RETREG3: variants seen among roughly 807,000 people sequenced by gnomAD.
RETREG3 encodes reticulophagy regulator family member 3, also known as reticulophagy regulator 3.
In RETREG3, 23 loss-of-function variants were observed where a neutral mutation model predicts 50.2. The observed-to-expected ratio is 0.46, with a 90% CI of 0.33 to 0.65. RETREG3 has a LOEUF of 0.65. RETREG3 is among the 30% of genes least tolerant of loss of function. The probability of loss-of-function intolerance (pLI) is 0.02; values close to 1 mark genes in which losing one functional copy is unlikely to be tolerated. For synonymous variants in RETREG3, 240 were observed against 234.4 expected (o/e 1.02, Z -0.22); for missense variants, 546 against 598.0 (o/e 0.91, Z 0.91).
At position 42,581,992 on chromosome 17, in the gene RETREG3, G is replaced by C; in HGVS notation, c.1222C>G (p.Leu408Val). 1 of 1,614,166 alleles carries C rather than the reference G, an allele frequency of 6.2e-7. No individual in the cohort carries two copies. Among genetic ancestry groups the C allele is most frequent in the Non-Finnish European group, 8.5e-7 (1 of 1,180,038 alleles). ...GGTTGGGAGGCCCCTGACAAGGCCA[G>C]CTGAATCATACCCTGGGAGACCAGG... ...ASLVSQGMIQLALSGASQPGP... is the reference protein window; with the variant it reads ...ASLVSQGMIQVALSGASQPGP... The change falls in exon 9 of 9, where the codon CTG (leucine) becomes GTG (valine). Residue 408 changes from leucine to valine, a missense_variant. Physicochemically the swap from Leu to Val is conservative, Grantham distance 32 (BLOSUM62 1). Transcript: ENST00000309428.
Position 42,587,873 on chromosome 17 carries a change from T to C in RETREG3, c.347-9A>G. On this transcript the variant is annotated splice_polypyrimidine_tract_variant and intron_variant, in intron 2 of 8. Coordinates refer to ENST00000309428, the MANE Select transcript of RETREG3 (RefSeq NM_178126.4). The stretch of plus-strand genomic sequence containing the variant: ...TGCGTCGGGTCTTGGCACTACAATA[T>C]TAAAACAAACACCAGCATTAGTTGG... The C allele has an allele frequency of 6.2e-7, 1 of 1,614,134 alleles. No homozygotes were observed. The highest frequency in any genetic ancestry group is 8.5e-7 in the Non-Finnish European group (1 of 1,179,990).
chr17:42,606,795 G>C (rs1597745122), intron 1 of RETREG3, among the ~76,000 whole-genome samples: 1 of 151,942 alleles, frequency 6.6e-6, no homozygotes, highest in Admixed American at 6.6e-5. Flanking sequence ...TCAGGAGTTT[G>C]AGACGAGCCT....
chr17:42,585,762 C>T (rs2093120086), intron 5 of RETREG3, among the ~76,000 whole-genome samples: 1 of 152,160 alleles, frequency 6.6e-6, no homozygotes, highest in Admixed American at 6.5e-5. Flanking sequence ...TACCCTGGCT[C>T]TAAAAATTCT....
chr17:42,591,635 C>A (rs572021924), intron 2 of RETREG3, among the ~76,000 whole-genome samples: 13 of 152,300 alleles, frequency 8.5e-5, no homozygotes, highest in Non-Finnish European at 1.3e-4. Context: ...TTAGCCACTG[C>A]GCCCGGCCAT....
At chr17:42,587,549 G>T in intron 3 of RETREG3, 1 of 327,962 alleles carries the variant, frequency 3.0e-6, no homozygotes, top group Non-Finnish European at 5.7e-6. Context: ...CTGCCTTTAA[G>T]TTTTCTCACT....
intron 1 of RETREG3, among the ~76,000 whole-genome samples, chr17:42,597,617 ATATTT>A (rs2093149837): frequency 6.8e-5 from 1 of 14,804 alleles, no homozygotes; most frequent in Non-Finnish European, 1.2e-4. Flanking sequence ...ATATATATAT[ATATTT>A]TTTTTTTTTT....
chr17:42,594,363 C>T (rs984909088), intron 1 of RETREG3, among the ~76,000 whole-genome samples: 1 of 152,138 alleles, frequency 6.6e-6, no homozygotes, highest in Non-Finnish European at 1.5e-5. Flanking sequence ...CAAAACCAGC[C>T]TGGACAACAT....
Position 42,582,675 on chromosome 17 carries a change from T to G in RETREG3, c.942A>C (p.Glu314Asp), listed in dbSNP as rs748874992. ...RGQTPLTEGSEDLDGHSDPEE... is the reference protein window; with the variant it reads ...RGQTPLTEGSDDLDGHSDPEE... ...ACTGAGGTCAAAGGCTCCCCTCACC[T>G]TCAGAGCCTTCCGTTAGAGGTGTTT... Residue 314 changes from glutamate (E) to aspartate (D), a missense_variant and splice_region_variant, in exon 8 of 9, where the codon GAA becomes GAC. By Grantham distance (45) the Glu-to-Asp change is conservative (BLOSUM62 2). Transcript: ENST00000309428. 1 of 1,614,188 alleles carries G rather than the reference T, an allele frequency of 6.2e-7. No individual in the cohort carries two copies. Among genetic ancestry groups the G allele is most frequent in the Admixed American group, 1.7e-5 (1 of 60,024 alleles).
chr17:42,602,766 A>G lies in RETREG3; in HGVS notation c.239+6320T>C, dbSNP rs574925924. Reference sequence around the variant, plus strand: ...AGACCAGCCTGGGCAACATGGTGAAACCTTGTTTCTACGAAAAATACAAAA... The same window carrying G: ...AGACCAGCCTGGGCAACATGGTGAAGCCTTGTTTCTACGAAAAATACAAAA... On this transcript the variant is annotated intron_variant, in intron 1 of 8. Coordinates refer to ENST00000309428, the MANE Select transcript of RETREG3 (RefSeq NM_178126.4). Among the ~76,000 whole-genome samples the G allele has an allele frequency of 8.5e-5, 13 of 152,224 alleles. No homozygotes were observed. The South Asian group carries it at 1.2e-3, about 15-fold the overall frequency.
At chr17:42,597,519 G>GTATATATATA (rs1491488214) in intron 1 of RETREG3, among the ~76,000 whole-genome samples, 2 of 117,172 alleles carry the variant, frequency 1.7e-5, no homozygotes, top group African/African-American at 6.4e-5. Context: ...GTGTGTGTGT[G>GTATATATATA]TGTGTATATA....
At chr17:42,603,053 TC>T (rs2093161427) in intron 1 of RETREG3, among the ~76,000 whole-genome samples, 1 of 152,090 alleles carries the variant, frequency 6.6e-6, no homozygotes, top group African/African-American at 2.4e-5. Flanking sequence ...GATTTTTTTT[TC>T]CCCTTTTGTG....
rs1474829287 is a variant in RETREG3, at chr17:42,581,189, C to T, written c.*624G>A. 1 of 152,104 alleles carries T rather than the reference C, an allele frequency of 6.6e-6. No homozygotes were observed. Among genetic ancestry groups the T allele is most frequent in the Admixed American group, 6.6e-5 (1 of 15,252 alleles). 9.4% of individuals were successfully genotyped at this position (152,104 alleles called of 1,614,324 possible). A position where few individuals can be genotyped will look rare whatever the true frequency, so the allele number is the denominator to read the frequency against. On this transcript the variant is annotated 3_prime_UTR_variant, in exon 9 of 9. Transcript: ENST00000309428. The stretch of plus-strand genomic sequence containing the variant: ...ACCAGCCTGGCCAACATGGTGAAAC[C>T]CCATTTCTACTAAAAATACCAAAAG...
intron 1 of RETREG3, among the ~76,000 whole-genome samples, chr17:42,607,513 A>AAG (rs2093170130): frequency 6.7e-6 from 1 of 148,988 alleles, no homozygotes; most frequent in Non-Finnish European, 1.5e-5. Flanking sequence ...AAAAAAAAAA[A>AAG]AAAAAAAAAG....
chr17:42,584,919 C>T (rs2093118094), intron 6 of RETREG3, among the ~76,000 whole-genome samples: 1 of 150,886 alleles, frequency 6.6e-6, no homozygotes, highest in Admixed American at 6.6e-5. Flanking sequence ...AGGTTTAAAA[C>T]GGGAGCCTAG....
intron 2 of RETREG3, among the ~76,000 whole-genome samples, chr17:42,589,277 A>G (rs897691130): frequency 6.6e-5 from 10 of 152,190 alleles, no homozygotes; most frequent in African/African-American, 2.4e-4. Flanking sequence ...TATCTTGCCA[A>G]CACTTCAAAA....
chr17:42,592,108 C>T lies in RETREG3; in HGVS notation c.294G>A (p.Met98Ile). The change falls in exon 2 of 9, where the codon ATG becomes ATA. Residue 98 changes from methionine (M) to isoleucine (I), a missense_variant. Coordinates refer to ENST00000309428, the MANE Select transcript of RETREG3 (RefSeq NM_178126.4). ...RLVFLLAFGL[M>I]IIVCIDQWKN... ...TCCATTGATCAATACACACAATGAT[C>T]ATCAAGCCAAATGCAAGTAAAAACA... 1 of 1,613,996 alleles carries T rather than the reference C, an allele frequency of 6.2e-7. No individual in the cohort carries two copies. The highest frequency in any genetic ancestry group is 8.5e-7 in the Non-Finnish European group (1 of 1,179,980).
rs768495003 is a variant in RETREG3 at position 42,586,842 on chromosome 17, G to C, written c.427C>G (p.His143Asp). 6.8e-6 allele frequency: 11 copies of C among 1,614,020 alleles called. No individual in the cohort carries two copies. The Admixed American group carries it at 1.5e-4, about 22-fold the overall frequency. Reference protein sequence around the residue: ...RLLSVPELCHHVAEVWVSGTI... With the variant: ...RLLSVPELCHDVAEVWVSGTI... Reference sequence around the variant, plus strand: ...CCACTAACCCAGACTTCAGCTACATGGTGGCAGAGCTCGGGCACGCTGAGC... The same window carrying C: ...CCACTAACCCAGACTTCAGCTACATCGTGGCAGAGCTCGGGCACGCTGAGC... Residue 143 changes from histidine (H) to aspartate (D), a missense_variant, in exon 4 of 9, where the codon CAT becomes GAT. Coordinates refer to ENST00000309428, the MANE Select transcript of RETREG3 (RefSeq NM_178126.4).
intron 8 of RETREG3, 74 bp from the exon 9 acceptor site, chr17:42,582,344 T>C (rs1171484282): frequency 5.6e-6 from 8 of 1,427,846 alleles, no homozygotes; most frequent in Non-Finnish European, 7.6e-6. Flanking sequence ...CATGACCAGA[T>C]TTTTCCCACC....
intron 1 of RETREG3, among the ~76,000 whole-genome samples, chr17:42,598,197 T>C (rs918718106): frequency 7.3e-5 from 11 of 151,354 alleles, no homozygotes; most frequent in African/African-American, 2.4e-4. Flanking sequence ...TAGCTAGGAT[T>C]GTCTCGATCT....
Sources: gnomAD v4.1 joint callset for allele counts (sites outside exome capture counted in the v4.1 genomes callset) on GRCh38, gnomAD v4.1.1 for gene constraint, MANE v1.5 for transcripts, NCBI Gene and HGNC (gene_info 2026-07-23, HGNC 2026-07-21) for gene names.